Variants in DLGAP4 observed in about 807,000 individuals in gnomAD.
The protein encoded by DLGAP4 is DLG associated protein 4.
A neutral mutation model predicts 86.9 loss-of-function variants in DLGAP4; 18 were observed. That is an observed-to-expected ratio of 0.21 (90% CI 0.14 to 0.31). The LOEUF (loss-of-function observed/expected upper bound fraction) is 0.31. Among genes scored for constraint, DLGAP4 ranks in the 10% least tolerant of loss-of-function variants. The probability of loss-of-function intolerance (pLI) is 1.00; values close to 1 mark genes in which losing one functional copy is unlikely to be tolerated. For missense variants in DLGAP4, 1,085 were observed against 1,362.6 expected (o/e 0.80, Z 3.21); for synonymous variants, 548 against 574.3 (o/e 0.95, Z 0.65).
intron 1 of DLGAP4, among the ~76,000 whole-genome samples, chr20:36,347,346 T>C (rs961803479): frequency 5.3e-5 from 8 of 152,102 alleles, no homozygotes; most frequent in Middle Eastern, 6.8e-3. Flanking sequence ...CTTTAGTGTG[T>C]GTGGAAGGGG....
intron 1 of DLGAP4, among the ~76,000 whole-genome samples, chr20:36,349,830 A>C (rs1365793040): frequency 6.6e-6 from 1 of 152,198 alleles, no homozygotes; most frequent in Non-Finnish European, 1.5e-5. Flanking sequence ...TCATCACATC[A>C]ATAAATAATA....
intron 7 of DLGAP4, among the ~76,000 whole-genome samples, chr20:36,474,214 G>A (rs2034806557): frequency 6.6e-6 from 1 of 152,246 alleles, no homozygotes; most frequent in South Asian, 2.1e-4. Flanking sequence ...GATGTAGATG[G>A]ATTGGGTGGG....
intron 2 of DLGAP4, among the ~76,000 whole-genome samples, chr20:36,428,772 G>A (rs1195905993): frequency 6.6e-6 from 1 of 152,232 alleles, no homozygotes; most frequent in African/African-American, 2.4e-5. Context: ...TGTTCTAGAG[G>A]TCAGAGTCTA....
intron 7 of DLGAP4, among the ~76,000 whole-genome samples, chr20:36,464,588 G>T (rs1467250151): frequency 3.9e-5 from 6 of 151,900 alleles, no homozygotes; most frequent in South Asian, 2.1e-4. Flanking sequence ...GCTGGCTCAC[G>T]CCTGTAATCC....
intron 2 of DLGAP4, among the ~76,000 whole-genome samples, chr20:36,411,765 C>T (rs1386388277): frequency 6.6e-6 from 1 of 152,208 alleles, no homozygotes; most frequent in Admixed American, 6.5e-5. Flanking sequence ...CCTCAAAGCC[C>T]ATGCCCACCA....
Position 36,431,085 on chromosome 20 carries a change from G to A in DLGAP4, c.-72-561G>A, listed in dbSNP as rs1419001310. Among the ~76,000 whole-genome samples, 1 of 152,034 alleles carries A rather than the reference G, an allele frequency of 6.6e-6. No individual in the cohort carries two copies. Among genetic ancestry groups the A allele is most frequent in the African/African-American group, 2.4e-5 (1 of 41,400 alleles). The stretch of plus-strand genomic sequence containing the variant: ...CTGCATCCCCCCATAGACCACCCTG[G>A]ATACTGGGCACCCTGGGATTCCCTG... On this transcript the variant is annotated intron_variant, in intron 2 of 12. Coordinates refer to ENST00000339266, the MANE Select transcript of DLGAP4 (RefSeq NM_001365621.2). This position sits in a 1 kb window ranked among gnomAD's most constrained non-coding sequence, Gnocchi z 5.1.
chr20:36,472,950 C>T (rs1464193232), intron 7 of DLGAP4, among the ~76,000 whole-genome samples: 4 of 152,158 alleles, frequency 2.6e-5, no homozygotes, highest in Non-Finnish European at 2.9e-5. Context: ...CAGGCAGTGG[C>T]GTCCTGGCCT....
At position 36,527,060 on chromosome 20, in the gene DLGAP4, A is replaced by C. The variant is rs750973264; in HGVS notation, c.*29A>C. The C allele has an allele frequency of 1.3e-6, 2 of 1,558,946 alleles. No homozygotes were observed. The highest frequency in any genetic ancestry group is 1.7e-6 in the Non-Finnish European group (2 of 1,151,614). ...CATGCAGGAGGAAAGAAACGATTTT[A>C]AATCATTAAAAACACAAAAACTAAG... On this transcript the variant is annotated 3_prime_UTR_variant, in exon 13 of 13. Transcript: ENST00000339266.
chr20:36,366,773 C>T (rs1210542344), intron 1 of DLGAP4, among the ~76,000 whole-genome samples: 1 of 152,222 alleles, frequency 6.6e-6, no homozygotes, highest in African/African-American at 2.4e-5. Flanking sequence ...AACCCAGCTT[C>T]CCGACTGCTG....
intron 2 of DLGAP4, among the ~76,000 whole-genome samples, chr20:36,421,974 A>G (rs1184556063): frequency 6.6e-6 from 1 of 152,020 alleles, no homozygotes; most frequent in Non-Finnish European, 1.5e-5. Context: ...GGCGGAGAGC[A>G]CCCGGGTCCT....
intron 10 of DLGAP4, among the ~76,000 whole-genome samples, chr20:36,520,585 GA>G (rs2037315100): frequency 6.6e-6 from 1 of 152,064 alleles, no homozygotes; most frequent in Non-Finnish European, 1.5e-5. Context: ...GACCTCAAGT[GA>G]TACACCCACC....
At chr20:36,400,786 G>A (rs1238277014) in intron 2 of DLGAP4, among the ~76,000 whole-genome samples, 1 of 151,866 alleles carries the variant, frequency 6.6e-6, no homozygotes, top group Admixed American at 6.6e-5. Flanking sequence ...GAAGACCAGT[G>A]ACGTGCCTGG....
chr20:36,331,089 C>A (rs1277223864), intron 1 of DLGAP4, among the ~76,000 whole-genome samples: 1 of 152,212 alleles, frequency 6.6e-6, no homozygotes, highest in African/African-American at 2.4e-5. Context: ...CCCTGGGGGC[C>A]TGTGGGGGGA....
intron 1 of DLGAP4, among the ~76,000 whole-genome samples, chr20:36,359,410 A>G (rs2030440389): frequency 1.3e-5 from 2 of 152,176 alleles, no homozygotes; most frequent in Non-Finnish European, 2.9e-5. Context: ...TCATGGCACA[A>G]ATTCTTTTGG....
In DLGAP4 at chr20:36,318,106, T is replaced by TCACACA. The variant is rs1156543199; in HGVS notation, c.-304+11641_-304+11646dup. 5.9e-3 allele frequency among the ~76,000 whole-genome samples: 823 copies of TCACACA among 139,186 alleles called. 7 individuals carry two copies. The highest frequency in any genetic ancestry group is 0.02 in the African/African-American group (704 of 36,076). The allele number at this position is 139,186 out of a possible 152,430, so 91.3% of individuals were successfully genotyped here. ...TTAAAGCAGTAATAAATGTGTCCTCTCACACACACACACACACACACACAC... is the reference window on the plus strand; with the variant it reads ...TTAAAGCAGTAATAAATGTGTCCTCTCACACACACACACACACACACACACACACAC... On this transcript the variant is annotated intron_variant, in intron 1 of 12. Coordinates refer to ENST00000339266, the MANE Select transcript of DLGAP4 (RefSeq NM_001365621.2).
At chr20:36,394,961 T>G (rs1219151157) in intron 2 of DLGAP4, among the ~76,000 whole-genome samples, 1 of 152,144 alleles carries the variant, frequency 6.6e-6, no homozygotes, top group Non-Finnish European at 1.5e-5. Flanking sequence ...TCAGAGGCTC[T>G]GCTGTGGCCC....
At chr20:36,450,064 A>G (rs543358377) in intron 7 of DLGAP4, among the ~76,000 whole-genome samples, 1 of 152,356 alleles carries the variant, frequency 6.6e-6, no homozygotes, top group South Asian at 2.1e-4. Flanking sequence ...GCCTCTGCTC[A>G]TGTCATACCT....
chr20:36,481,759 G>A (rs2035196913), intron 7 of DLGAP4, among the ~76,000 whole-genome samples: 2 of 151,846 alleles, frequency 1.3e-5, no homozygotes. Flanking sequence ...TCAGGTTCCA[G>A]TTTGACGATA....
rs1040651792 is a variant in DLGAP4, at chr20:36,341,954, C to T, written c.-303-25091C>T. ...CCAGGCACACTTCATTCGACTTTCT[C>T]CTCATTTCTTTGAGCAGATTGAAGA... On this transcript the variant is annotated intron_variant, in intron 1 of 12. Transcript: ENST00000339266. 3.9e-5 allele frequency among the ~76,000 whole-genome samples: 6 copies of T among 152,332 alleles called. No homozygotes were observed. The South Asian group carries it at 1.0e-3, about 26-fold the overall frequency.
Sources: allele counts gnomAD v4.1 joint callset (sites outside exome capture counted in the v4.1 genomes callset), GRCh38; gene constraint gnomAD v4.1.1; non-coding constraint Gnocchi (gnomAD v3.1); transcripts MANE v1.5; gene names NCBI Gene and HGNC (gene_info 2026-07-23, HGNC 2026-07-21).